Variants in C6orf52 observed in about 807,000 individuals in gnomAD.
C6orf52 encodes the protein chromosome 6 open reading frame 52.
C6orf52 carries 16 observed loss-of-function variants against 16.6 expected under a neutral mutation model. That is an observed-to-expected ratio of 0.96 (90% CI 0.65 to 1.46). The LOEUF (loss-of-function observed/expected upper bound fraction) is 1.46, where lower values mean the gene tolerates loss of function less well. C6orf52 is among the 40% of genes most tolerant of loss of function. The probability of loss-of-function intolerance (pLI) is 0.00; values close to 1 mark genes in which losing one functional copy is unlikely to be tolerated. For missense variants in C6orf52, 166 were observed against 182.3 expected, an observed-to-expected ratio of 0.91 and a Z score of 0.52; for synonymous variants, 53 against 61.4, an observed-to-expected ratio of 0.86 and a Z score of 0.64.
At chr6:10,682,066 G>C (rs994103270) in intron 4 of C6orf52, among the ~76,000 whole-genome samples, 1 of 152,138 alleles carries the variant, frequency 6.6e-6, no homozygotes, top group Non-Finnish European at 1.5e-5. Context: ...GTGATGGCCT[G>C]GTATTCAATT....
At chr6:10,680,332 T>A (rs1768266860) in intron 4 of C6orf52, among the ~76,000 whole-genome samples, 2 of 152,360 alleles carry the variant, frequency 1.3e-5, no homozygotes, top group East Asian at 3.9e-4. Context: ...TATTAATTTG[T>A]GTATATTAAA....
chr6:10,683,480 C>T (rs1768584594), intron 3 of C6orf52, among the ~76,000 whole-genome samples: 1 of 152,172 alleles, frequency 6.6e-6, no homozygotes, highest in South Asian at 2.1e-4. Flanking sequence ...CTAACGAGGG[C>T]CCCTGGCCCC....
At chr6:10,690,246 C>T (rs1769174885) in intron 1 of C6orf52, among the ~76,000 whole-genome samples, 2 of 152,132 alleles carry the variant, frequency 1.3e-5, no homozygotes, top group South Asian at 2.1e-4. Context: ...GGCTCACAAG[C>T]GCTGTTTTGC....
chr6:10,694,511 G>A lies in C6orf52; in HGVS notation c.-29C>T, dbSNP rs1432752259. 1 of 156,402 alleles carries A rather than the reference G, an allele frequency of 6.4e-6. No individual in the cohort carries two copies. The highest frequency in any genetic ancestry group is 1.4e-5 in the Non-Finnish European group (1 of 69,720). The allele number at this position is 156,402 out of a possible 1,614,324, so 9.7% of individuals were successfully genotyped here. A position where few individuals can be genotyped will look rare whatever the true frequency, so the allele number is the denominator to read the frequency against. On this transcript the variant is annotated 5_prime_UTR_variant, in exon 1 of 5. Coordinates refer to ENST00000259983, the MANE Select transcript of C6orf52 (RefSeq NM_001145020.3). The stretch of plus-strand genomic sequence containing the variant: ...CTCCTTACCCTATTAACGACAGAAA[G>A]CCTCGTTCCGCTGGTCCCTGAACAA...
At chr6:10,679,124 T>G (rs191489519) in intron 4 of C6orf52, among the ~76,000 whole-genome samples, 1 of 151,222 alleles carries the variant, frequency 6.6e-6, no homozygotes, top group African/African-American at 2.4e-5. Context: ...CAAATTTGTT[T>G]ACAATGTAAA....
chr6:10,679,667 C>A (rs1768205116), intron 4 of C6orf52, among the ~76,000 whole-genome samples: 1 of 151,882 alleles, frequency 6.6e-6, no homozygotes, highest in African/African-American at 2.4e-5. Flanking sequence ...ATCATGTCAT[C>A]TTCAAAACTT....
chr6:10,679,512 G>A (rs112102142), intron 4 of C6orf52, among the ~76,000 whole-genome samples: 9,030 of 147,444 alleles, frequency 0.061, 980 homozygotes, highest in African/African-American at 0.22. Flanking sequence ...TACCGTTTGC[G>A]AAAATGGCAC....
intron 4 of C6orf52, among the ~76,000 whole-genome samples, chr6:10,680,073 C>T (rs920047580): frequency 2.6e-5 from 4 of 152,016 alleles, no homozygotes; most frequent in Non-Finnish European, 5.9e-5. Flanking sequence ...GGCAACATGG[C>T]GAAACCCCAT....
chr6:10,685,024 G>A, intron 3 of C6orf52: 2 of 510,138 alleles, frequency 3.9e-6, no homozygotes, highest in Non-Finnish European at 5.9e-6. Context: ...CCCAGACTGT[G>A]CCAACAAAAA....
At chr6:10,693,558 C>A (rs1282458572) in intron 1 of C6orf52, among the ~76,000 whole-genome samples, 1 of 152,186 alleles carries the variant, frequency 6.6e-6, no homozygotes, top group Non-Finnish European at 1.5e-5. Flanking sequence ...AGCACTGTAT[C>A]GCACTTGAAA....
intron 4 of C6orf52, among the ~76,000 whole-genome samples, chr6:10,676,031 C>CT (rs1455397595): frequency 6.6e-6 from 1 of 152,106 alleles, no homozygotes; most frequent in East Asian, 1.9e-4. Flanking sequence ...ACTCAGGAGT[C>CT]TGAGACTGGG....
intron 4 of C6orf52, among the ~76,000 whole-genome samples, chr6:10,674,155 T>G (rs1280327656): frequency 6.6e-6 from 1 of 152,102 alleles, no homozygotes; most frequent in African/African-American, 2.4e-5. Context: ...GAGAGAGGAA[T>G]CAAATTCCCT....
chr6:10,685,892 T>A (rs970553606), intron 3 of C6orf52, among the ~76,000 whole-genome samples: 5 of 152,250 alleles, frequency 3.3e-5, no homozygotes, highest in Non-Finnish European at 5.9e-5. Context: ...TAAAATTTTT[T>A]AATGTTATAT....
At chr6:10,693,452 T>C (rs1769535532) in intron 1 of C6orf52, among the ~76,000 whole-genome samples, 1 of 152,236 alleles carries the variant, frequency 6.6e-6, no homozygotes, top group African/African-American at 2.4e-5. Context: ...ATGAAATCAT[T>C]TCTGCAAGAC....
intron 1 of C6orf52, among the ~76,000 whole-genome samples, chr6:10,692,168 T>G (rs1769374822): frequency 6.6e-6 from 1 of 152,174 alleles, no homozygotes; most frequent in Non-Finnish European, 1.5e-5. Flanking sequence ...CGGTTTTTAA[T>G]TTGTGGATGA....
intron 4 of C6orf52, among the ~76,000 whole-genome samples, chr6:10,676,581 T>C (rs957268246): frequency 6.6e-6 from 1 of 152,194 alleles, no homozygotes; most frequent in Non-Finnish European, 1.5e-5. Context: ...GCGGACAAGA[T>C]GGCGGACAAG....
intron 4 of C6orf52, among the ~76,000 whole-genome samples, chr6:10,679,579 AACAAAAAAC>A (rs1768193373): frequency 7.8e-6 from 1 of 127,750 alleles, no homozygotes; most frequent in African/African-American, 5.2e-5. Context: ...AAAAAAAAAA[AACAAAAAAC>A]AAAAACCATA....
intron 1 of C6orf52, among the ~76,000 whole-genome samples, chr6:10,688,891 A>T (rs571208419): frequency 3.3e-5 from 5 of 152,290 alleles, no homozygotes; most frequent in African/African-American, 1.2e-4. Context: ...GGCTCACTGC[A>T]ACCTCCACCT....
chr6:10,689,599 A>G (rs1240160320), intron 1 of C6orf52, among the ~76,000 whole-genome samples: 1 of 152,188 alleles, frequency 6.6e-6, no homozygotes, highest in Non-Finnish European at 1.5e-5. Context: ...CTGGCTAAGA[A>G]GATGTAAACA....
Sources: allele counts gnomAD v4.1 joint callset (sites outside exome capture counted in the v4.1 genomes callset), GRCh38; gene constraint gnomAD v4.1.1; transcripts MANE v1.5; gene names NCBI Gene and HGNC (gene_info 2026-07-23, HGNC 2026-07-21).